Variants in C1orf21 observed in about 807,000 individuals in gnomAD.
C1orf21 encodes the protein chromosome 1 open reading frame 21, also known as uncharacterized protein C1orf21.
In C1orf21, 3 loss-of-function variants were observed where a neutral mutation model predicts 18.7. That is an observed-to-expected ratio of 0.16 (90% CI 0.07 to 0.42). The LOEUF (loss-of-function observed/expected upper bound fraction) is 0.42. Ranked by LOEUF, C1orf21 falls within the 10% of genes least tolerant of loss-of-function variation. C1orf21 has a pLI of 0.99. For missense variants in C1orf21, 104 were observed against 143.6 expected (o/e 0.72, Z 1.41); for synonymous variants, 41 against 46.4 (o/e 0.88, Z 0.47).
Position 184,454,884 on chromosome 1 carries a change from A to G in C1orf21, c.-124-22502A>G, listed in dbSNP as rs566357320. 3.3e-5 allele frequency among the ~76,000 whole-genome samples: 5 copies of G among 152,282 alleles called. No homozygotes were observed. The South Asian group carries it at 8.3e-4, about 25-fold the overall frequency. ...ATAGCAGTGCTATATAGATATATATATAATAGAGAATGGATTAATACAAGT... is the reference window on the plus strand; with the variant it reads ...ATAGCAGTGCTATATAGATATATATGTAATAGAGAATGGATTAATACAAGT... On this transcript the variant is annotated intron_variant, in intron 1 of 5. Transcript: ENST00000235307.
At chr1:184,540,553 C>A (rs1388961687) in intron 3 of C1orf21, among the ~76,000 whole-genome samples, 1 of 152,058 alleles carries the variant, frequency 6.6e-6, no homozygotes, top group East Asian at 1.9e-4. Context: ...CCTCAGCTTT[C>A]CGAGTACCTG....
At chr1:184,402,134 A>G (rs919417275) in intron 1 of C1orf21, among the ~76,000 whole-genome samples, 15 of 152,212 alleles carry the variant, frequency 9.9e-5, no homozygotes, top group Middle Eastern at 3.2e-3. Flanking sequence ...ATTAAATAAA[A>G]CTGAAAATTT....
chr1:184,403,310 A>T (rs1425487372), intron 1 of C1orf21, among the ~76,000 whole-genome samples: 1 of 152,260 alleles, frequency 6.6e-6, no homozygotes, highest in Non-Finnish European at 1.5e-5. Context: ...AAAAGCATAA[A>T]GATGAGTGGA....
chr1:184,438,920 A>T (rs1474371519), intron 1 of C1orf21, among the ~76,000 whole-genome samples: 1 of 152,078 alleles, frequency 6.6e-6, no homozygotes, highest in Admixed American at 6.5e-5. Flanking sequence ...GTCATTAAAA[A>T]CTATTCTTGG....
At chr1:184,412,657 A>C (rs1213550407) in intron 1 of C1orf21, among the ~76,000 whole-genome samples, 1 of 151,846 alleles carries the variant, frequency 6.6e-6, no homozygotes, top group Non-Finnish European at 1.5e-5. Flanking sequence ...AAAAGAAAAA[A>C]AATAGTTGGG....
intron 2 of C1orf21, among the ~76,000 whole-genome samples, chr1:184,488,487 G>T (rs1428539737): frequency 6.6e-6 from 1 of 152,118 alleles, no homozygotes; most frequent in Admixed American, 6.5e-5. Flanking sequence ...ATTGTAATGG[G>T]ATAAATGCAT....
intron 1 of C1orf21, among the ~76,000 whole-genome samples, chr1:184,414,221 C>A (rs984279631): frequency 1.2e-4 from 18 of 152,134 alleles, no homozygotes; most frequent in African/African-American, 4.1e-4. Flanking sequence ...GGCCTCGACT[C>A]CCAGGCTCAA....
chr1:184,399,778 AC>A (rs1320931905), intron 1 of C1orf21, among the ~76,000 whole-genome samples: 1 of 152,170 alleles, frequency 6.6e-6, no homozygotes, highest in Non-Finnish European at 1.5e-5. Context: ...CCTGTAAAAA[AC>A]ATTGATGCTA....
In C1orf21 at chr1:184,626,326, C is replaced by T. The variant is rs942834503; in HGVS notation, c.*6770C>T. 2 of 152,182 alleles carry T rather than the reference C, an allele frequency of 1.3e-5. No homozygotes were observed. Among genetic ancestry groups the T allele is most frequent in the Admixed American group, 1.3e-4 (2 of 15,274 alleles). 9.4% of individuals were successfully genotyped at this position (152,182 alleles called of 1,614,324 possible). ...TCCTGAAAGAGGTGACATCAAAGCC[C>T]GGATGTGTCAGAGGACTGAGGGAGA... On this transcript the variant is annotated 3_prime_UTR_variant, in exon 6 of 6. Transcript: ENST00000235307.
At chr1:184,396,911 G>A (rs566019838) in intron 1 of C1orf21, among the ~76,000 whole-genome samples, 8 of 152,246 alleles carry the variant, frequency 5.3e-5, no homozygotes, top group East Asian at 1.9e-4. Flanking sequence ...AACACCTGCC[G>A]CACACTAGGG....
chr1:184,449,078 C>T (rs1387626652), intron 1 of C1orf21, among the ~76,000 whole-genome samples: 2 of 151,968 alleles, frequency 1.3e-5, no homozygotes, highest in Non-Finnish European at 2.9e-5. Context: ...ACTTTAAGTT[C>T]TAGTGTACAT....
chr1:184,405,639 A>G (rs1440777429), intron 1 of C1orf21, among the ~76,000 whole-genome samples: 1 of 152,228 alleles, frequency 6.6e-6, no homozygotes, highest in Non-Finnish European at 1.5e-5. Flanking sequence ...TCAAATGAGC[A>G]TTTGGTTGCT....
chr1:184,465,913 C>T (rs1035822235), intron 1 of C1orf21, among the ~76,000 whole-genome samples: 2 of 152,156 alleles, frequency 1.3e-5, no homozygotes, highest in Admixed American at 1.3e-4. Context: ...CACCACGAGG[C>T]GCTGGCTGAT....
At chr1:184,577,942 G>GTT (rs1558006928) in intron 3 of C1orf21, among the ~76,000 whole-genome samples, 10 of 109,654 alleles carry the variant, frequency 9.1e-5, no homozygotes, top group African/African-American at 3.5e-4. Context: ...TTTGTTTTTT[G>GTT]TTTTGTTTTT....
At chr1:184,573,478 C>T (rs975355004) in intron 3 of C1orf21, among the ~76,000 whole-genome samples, 6 of 152,268 alleles carry the variant, frequency 3.9e-5, no homozygotes, top group South Asian at 2.1e-4. Context: ...CCGAAATAGA[C>T]GTTTCTGATG....
chr1:184,579,366 T>A (rs945142851), intron 3 of C1orf21, among the ~76,000 whole-genome samples: 1 of 147,938 alleles, frequency 6.8e-6, no homozygotes, highest in Non-Finnish European at 1.5e-5. Flanking sequence ...GGTATTTTTT[T>A]AATATAAGCT....
chr1:184,395,920 C>A (rs1388257647), intron 1 of C1orf21, among the ~76,000 whole-genome samples: 2 of 152,162 alleles, frequency 1.3e-5, no homozygotes, highest in African/African-American at 4.8e-5. Context: ...ATACTGGGGA[C>A]TAACACTGGT....
intron 3 of C1orf21, among the ~76,000 whole-genome samples, chr1:184,547,420 C>CTTTTT (rs34169321): frequency 0.021 from 2,112 of 102,390 alleles, 34 homozygotes; most frequent in African/African-American, 0.038. Context: ...TACATCCAGA[C>CTTTTT]TTTTTTTTTT....
At chr1:184,512,272 A>G (rs1658161732) in intron 3 of C1orf21, among the ~76,000 whole-genome samples, 1 of 152,296 alleles carries the variant, frequency 6.6e-6, no homozygotes, top group South Asian at 2.1e-4. Context: ...ACTGTGCATG[A>G]TCTGCTTAAT....
Sources: allele counts gnomAD v4.1 joint callset (sites outside exome capture counted in the v4.1 genomes callset), GRCh38; gene constraint gnomAD v4.1.1; transcripts MANE v1.5; gene names NCBI Gene and HGNC (gene_info 2026-07-23, HGNC 2026-07-21).